BBX: variants seen among roughly 807,000 people sequenced by gnomAD.
The protein encoded by BBX is HMG box transcription factor BBX.
A neutral mutation model predicts 100.2 loss-of-function variants in BBX; 30 were observed. The observed-to-expected ratio is 0.30, with a 90% CI of 0.22 to 0.41. The LOEUF (loss-of-function observed/expected upper bound fraction) is 0.41. BBX is among the 10% of genes least tolerant of loss of function. The pLI, the probability that BBX is intolerant of heterozygous loss-of-function variation, is 1.00. For missense variants in BBX, 1,023 were observed against 1,129.8 expected (o/e 0.91, Z 1.35); for synonymous variants, 376 against 388.1 (o/e 0.97, Z 0.37).
intron 3 of BBX, among the ~76,000 whole-genome samples, chr3:107,649,355 G>A (rs2057706097): frequency 6.6e-6 from 1 of 152,146 alleles, no homozygotes; most frequent in Admixed American, 6.5e-5. Context: ...ATGGGTTTTG[G>A]ATTCAGATAA....
intron 4 of BBX, among the ~76,000 whole-genome samples, chr3:107,712,817 G>A (rs1576460437): frequency 6.6e-6 from 1 of 152,170 alleles, no homozygotes; most frequent in Admixed American, 6.5e-5. Flanking sequence ...TGTGCTCACT[G>A]TGTGCTCACA....
intron 2 of BBX, among the ~76,000 whole-genome samples, chr3:107,540,538 G>A (rs57796306): frequency 0.048 from 7,314 of 152,254 alleles, 560 homozygotes; most frequent in African/African-American, 0.16. Context: ...TGCTTCGAAT[G>A]AAGCAAAGCC....
At chr3:107,697,695 C>T (rs2060729345) in intron 3 of BBX, among the ~76,000 whole-genome samples, 1 of 151,916 alleles carries the variant, frequency 6.6e-6, no homozygotes, top group African/African-American at 2.4e-5. Context: ...CAGAGGCAGG[C>T]AGGCCTCCTT....
chr3:107,591,736 C>G (rs2053330649), intron 2 of BBX, among the ~76,000 whole-genome samples: 1 of 152,182 alleles, frequency 6.6e-6, no homozygotes, highest in Non-Finnish European at 1.5e-5. Context: ...AGTCCTCCCA[C>G]CTTGGCCTCC....
chr3:107,586,718 G>C (rs895100640), intron 2 of BBX, among the ~76,000 whole-genome samples: 5 of 151,778 alleles, frequency 3.3e-5, no homozygotes, highest in African/African-American at 1.2e-4. Flanking sequence ...ATAATGGTCT[G>C]TAATTATTGT....
At chr3:107,770,062 T>G (rs2066775217) in intron 10 of BBX, among the ~76,000 whole-genome samples, 1 of 152,220 alleles carries the variant, frequency 6.6e-6, no homozygotes. Flanking sequence ...GCATGACTAG[T>G]GTTCAGCGTA....
chr3:107,580,116 A>G (rs1318814853), intron 2 of BBX, among the ~76,000 whole-genome samples: 2 of 152,166 alleles, frequency 1.3e-5, no homozygotes, highest in African/African-American at 4.8e-5. Flanking sequence ...GGCATTATAT[A>G]TGCAGTTAAT....
intron 2 of BBX, among the ~76,000 whole-genome samples, chr3:107,590,725 A>AT (rs1195267858): frequency 1.3e-5 from 2 of 152,130 alleles, no homozygotes; most frequent in Non-Finnish European, 2.9e-5. Context: ...ACCTACATTG[A>AT]TGGGGCCCTT....
intron 6 of BBX, among the ~76,000 whole-genome samples, chr3:107,731,711 A>T (rs2063326518): frequency 6.7e-6 from 1 of 148,978 alleles, no homozygotes; most frequent in Non-Finnish European, 1.5e-5. Flanking sequence ...TTTTTTTGCA[A>T]TTTTTTTTTT....
intron 12 of BBX, among the ~76,000 whole-genome samples, chr3:107,775,126 A>G (rs373762926): frequency 5.3e-5 from 8 of 152,300 alleles, no homozygotes; most frequent in African/African-American, 1.4e-4. Flanking sequence ...GTTTGAATCA[A>G]CATCCCTTCA....
At chr3:107,616,541 A>G (rs2107674094) in intron 2 of BBX, among the ~76,000 whole-genome samples, 1 of 152,032 alleles carries the variant, frequency 6.6e-6, no homozygotes, top group East Asian at 1.9e-4. Context: ...CCTCAACAGC[A>G]TTTTTGGTGC....
At chr3:107,761,938 AT>A (rs1326692970) in intron 10 of BBX, among the ~76,000 whole-genome samples, 1 of 152,054 alleles carries the variant, frequency 6.6e-6, no homozygotes, top group African/African-American at 2.4e-5. Flanking sequence ...CTTCCATCCT[AT>A]GGTAACCCCC....
chr3:107,740,680 T>C (rs543888871), intron 7 of BBX, among the ~76,000 whole-genome samples: 2 of 152,068 alleles, frequency 1.3e-5, no homozygotes, highest in Non-Finnish European at 2.9e-5. Flanking sequence ...AGTCACTCTC[T>C]CAAACACACT....
intron 3 of BBX, among the ~76,000 whole-genome samples, chr3:107,658,880 C>A (rs2058289342): frequency 6.6e-6 from 1 of 152,110 alleles, no homozygotes; most frequent in African/African-American, 2.4e-5. Flanking sequence ...AGATTCAAAT[C>A]CAGCTCATTC....
intron 2 of BBX, among the ~76,000 whole-genome samples, chr3:107,642,791 A>G (rs996731836): frequency 3.3e-5 from 5 of 150,106 alleles, no homozygotes; most frequent in African/African-American, 1.2e-4. Flanking sequence ...GCATGGTATC[A>G]TGCCCAGCAG....
At chr3:107,560,476 G>A (rs912147549) in intron 2 of BBX, among the ~76,000 whole-genome samples, 1 of 152,208 alleles carries the variant, frequency 6.6e-6, no homozygotes, top group Admixed American at 6.5e-5. Flanking sequence ...AGCTGTGATA[G>A]TCAGATTTAG....
At chr3:107,591,997 A>C (rs180928264) in intron 2 of BBX, among the ~76,000 whole-genome samples, 167 of 152,250 alleles carry the variant, frequency 1.1e-3, no homozygotes, top group Non-Finnish European at 1.3e-3. Context: ...AGGTGCAAAA[A>C]ATGTTATTTT....
At chr3:107,690,188 A>G in intron 3 of BBX, among the ~76,000 whole-genome samples, 1 of 152,218 alleles carries the variant, frequency 6.6e-6, no homozygotes, top group African/African-American at 2.4e-5. Flanking sequence ...ATGTCAGAAC[A>G]ATGACTTTAT....
intron 2 of BBX, among the ~76,000 whole-genome samples, chr3:107,583,940 A>T (rs1559839046): frequency 2.6e-5 from 2 of 78,230 alleles, no homozygotes; most frequent in South Asian, 3.7e-4. Context: ...TATATATATT[A>T]TATATATTAT....
Sources: gnomAD v4.1 joint callset for allele counts (sites outside exome capture counted in the v4.1 genomes callset) on GRCh38, gnomAD v4.1.1 for gene constraint, MANE v1.5 for transcripts, NCBI Gene and HGNC (gene_info 2026-07-23, HGNC 2026-07-21) for gene names.